Variants in SCLT1 observed in about 807,000 individuals in gnomAD.
SCLT1 encodes sodium channel-associated protein 1.
In SCLT1, 78 loss-of-function variants were observed where a neutral mutation model predicts 112.8. The observed-to-expected ratio is 0.69, with a 90% CI of 0.58 to 0.83. The LOEUF (loss-of-function observed/expected upper bound fraction) is 0.83. Ranked by LOEUF, SCLT1 falls within the 40% of genes least tolerant of loss-of-function variation. The pLI, the probability that SCLT1 is intolerant of heterozygous loss-of-function variation, is 0.00. For synonymous variants in SCLT1, 257 were observed against 254.7 expected (o/e 1.01, Z -0.09); for missense variants, 747 against 770.4 (o/e 0.97, Z 0.36).
chr4:128,968,376 T>A (rs1391540086), intron 10 of SCLT1, among the ~76,000 whole-genome samples: 1 of 152,214 alleles, frequency 6.6e-6, no homozygotes, highest in Non-Finnish European at 1.5e-5. Context: ...TCTAGTGAAA[T>A]TTTTATTTCA....
At chr4:128,995,315 T>C (rs1742916487) in intron 8 of SCLT1, among the ~76,000 whole-genome samples, 2 of 152,140 alleles carry the variant, frequency 1.3e-5, no homozygotes, top group South Asian at 4.1e-4. Context: ...TGTGCTACTT[T>C]TTAATATTTT....
chr4:128,946,713 A>G (rs1374619289), intron 15 of SCLT1, among the ~76,000 whole-genome samples: 5 of 152,220 alleles, frequency 3.3e-5, no homozygotes, highest in African/African-American at 1.2e-4. Context: ...GTACCGTTCA[A>G]TACAATCCTC....
chr4:128,922,476 A>G (rs1248450291), intron 18 of SCLT1, among the ~76,000 whole-genome samples: 1 of 152,212 alleles, frequency 6.6e-6, no homozygotes, highest in Non-Finnish European at 1.5e-5. Flanking sequence ...AGCCATAAAA[A>G]AGAATGAGAT....
intron 18 of SCLT1, among the ~76,000 whole-genome samples, chr4:128,902,115 G>T (rs1288534211): frequency 6.6e-6 from 1 of 152,000 alleles, no homozygotes; most frequent in East Asian, 1.9e-4. Flanking sequence ...ATGTTGTCCA[G>T]GTTGGTCTCA....
At chr4:128,965,440 C>G (rs538633110) in intron 10 of SCLT1, 122 bp from the exon 11 acceptor site, 3 of 655,258 alleles carry the variant, frequency 4.6e-6, no homozygotes, top group African/African-American at 3.7e-5. Context: ...CTAACACTTA[C>G]GTTAAAAGAA....
chr4:129,041,002 C>A (rs1747653099), intron 4 of SCLT1, among the ~76,000 whole-genome samples: 1 of 152,044 alleles, frequency 6.6e-6, no homozygotes, highest in Non-Finnish European at 1.5e-5. Context: ...AGTAAAATGG[C>A]TGATTAAAGA....
intron 5 of SCLT1, among the ~76,000 whole-genome samples, chr4:129,023,351 C>T (rs1745670958): frequency 6.6e-6 from 1 of 151,972 alleles, no homozygotes; most frequent in African/African-American, 2.4e-5. Context: ...CACAGACTGG[C>T]AAATAGGATA....
In SCLT1 at chr4:128,942,998, T is replaced by C; in HGVS notation, c.1630A>G (p.Lys544Glu). 6.2e-7 allele frequency: 1 copy of C among 1,602,570 alleles called. No individual in the cohort carries two copies. The highest frequency in any genetic ancestry group is 8.5e-7 in the Non-Finnish European group (1 of 1,174,334). Residue 544 changes from lysine (K) to glutamate (E), a missense_variant and splice_region_variant, in exon 17 of 21, where the codon AAG becomes GAG. Lys to Glu is a moderately conservative substitution (Grantham distance 56). Coordinates refer to ENST00000281142, the MANE Select transcript of SCLT1 (RefSeq NM_144643.4). ...TTTAACTCTAGTCTTGAAAATACCT[T>C]TACTTTGGCTTTTTTTTGAGCCTCC... ...ALEAQKKAKV[K>E]ISTMEHEFSI...
At chr4:128,980,255 T>C (rs1005804581) in intron 9 of SCLT1, among the ~76,000 whole-genome samples, 2 of 152,200 alleles carry the variant, frequency 1.3e-5, no homozygotes, top group African/African-American at 4.8e-5. Flanking sequence ...CACAATATTA[T>C]TTAAATTAGA....
Position 129,082,400 on chromosome 4 carries a change from A to ATT in SCLT1, c.35-28_35-27insAA, listed in dbSNP as rs1752021334. 6 of 1,410,742 alleles carry ATT rather than the reference A, an allele frequency of 4.3e-6. No homozygotes were observed. The South Asian group carries it at 7.4e-5, about 17-fold the overall frequency. The allele number at this position is 1,410,742 out of a possible 1,614,324, so 87.4% of individuals were successfully genotyped here. A position where few individuals can be genotyped will look rare whatever the true frequency, so the allele number is the denominator to read the frequency against. ...TGAAACAAGCGGGAAAACAGATTTCAGTTCATTGAGTAATGGTCAATTCTT... is the reference window on the plus strand; with the variant it reads ...TGAAACAAGCGGGAAAACAGATTTCATTGTTCATTGAGTAATGGTCAATTCTT... On this transcript the variant is annotated intron_variant, in intron 1 of 20. Coordinates refer to ENST00000281142, the MANE Select transcript of SCLT1 (RefSeq NM_144643.4).
At chr4:128,873,256 G>GAAAAAAAAAAAAAAAAAAAAAAAA (rs1296724284) in intron 5 of SCLT1, 14 of 28,564 alleles carry the variant, frequency 4.9e-4, no homozygotes, top group African/African-American at 7.1e-4. Context: ...TAAGAAAAAG[G>GAAAAAAAAAAAAAAAAAAAAAAAA]AAAAAAAAAA....
intron 2 of SCLT1, among the ~76,000 whole-genome samples, chr4:129,080,831 T>C (rs1465915814): frequency 6.6e-6 from 1 of 152,160 alleles, no homozygotes; most frequent in Non-Finnish European, 1.5e-5. Flanking sequence ...CTGGGTAATT[T>C]ATAAAGAAAA....
chr4:128,974,544 C>T (rs940991104), intron 9 of SCLT1, among the ~76,000 whole-genome samples: 1 of 152,064 alleles, frequency 6.6e-6, no homozygotes, highest in Non-Finnish European at 1.5e-5. Flanking sequence ...GGGTGCCTAT[C>T]CTGAATGTGT....
intron 5 of SCLT1, among the ~76,000 whole-genome samples, chr4:129,022,484 G>T (rs985048447): frequency 1.3e-5 from 2 of 152,096 alleles, no homozygotes; most frequent in Non-Finnish European, 2.9e-5. Context: ...CACAGCACGA[G>T]AACTTAGTGA....
At chr4:128,933,582 T>G (rs1736948247) in intron 18 of SCLT1, among the ~76,000 whole-genome samples, 1 of 152,108 alleles carries the variant, frequency 6.6e-6, no homozygotes, top group Non-Finnish European at 1.5e-5. Context: ...CTGTAATCAA[T>G]CATTTTTCCA....
At chr4:128,981,652 C>T (rs7675408) in intron 9 of SCLT1, among the ~76,000 whole-genome samples, 40,939 of 151,246 alleles carry the variant, frequency 0.27, 5,936 homozygotes, top group South Asian at 0.35. Context: ...CACTGGCCCC[C>T]TACCCGCCAA....
intron 5 of SCLT1, among the ~76,000 whole-genome samples, chr4:129,023,891 G>T (rs573372487): frequency 6.6e-6 from 1 of 152,210 alleles, no homozygotes; most frequent in Non-Finnish European, 1.5e-5. Context: ...ATTATATCCC[G>T]CACCTGGCTT....
chr4:129,044,054 A>G lies in SCLT1; in HGVS notation c.103-3T>C. 1.3e-6 allele frequency: 2 copies of G among 1,533,118 alleles called. No homozygotes were observed. The highest frequency in any genetic ancestry group is 1.8e-6 in the Non-Finnish European group (2 of 1,113,870). The allele number at this position is 1,533,118 out of a possible 1,614,324, so 95.0% of individuals were successfully genotyped here. A position where few individuals can be genotyped will look rare whatever the true frequency, so the allele number is the denominator to read the frequency against. ...CCTTCTCCTTGGCAGACAGCTTTCT[A>G]TAAAAGAATGTACATCTTAAAATGT... On this transcript the variant is annotated splice_region_variant and splice_polypyrimidine_tract_variant and intron_variant, in intron 2 of 20. Transcript: ENST00000281142.
chr4:129,054,118 G>A (rs938706177), intron 2 of SCLT1, among the ~76,000 whole-genome samples: 5 of 152,170 alleles, frequency 3.3e-5, no homozygotes, highest in Non-Finnish European at 7.3e-5. Context: ...CAAGAGATTC[G>A]CTGTTAGTCT....
Sources: gnomAD v4.1 joint callset for allele counts (sites outside exome capture counted in the v4.1 genomes callset) on GRCh38, gnomAD v4.1.1 for gene constraint, MANE v1.5 for transcripts, NCBI Gene and HGNC (gene_info 2026-07-23, HGNC 2026-07-21) for gene names.